The following PPP2R2C variants were observed in gnomAD, a reference collection of about 807,000 sequenced individuals.
The protein encoded by PPP2R2C is protein phosphatase 2, regulatory subunit B, gamma.
In PPP2R2C, 10 loss-of-function variants were observed where a neutral mutation model predicts 45.3. The observed-to-expected ratio is 0.22, with a 90% confidence interval of 0.14 to 0.37. PPP2R2C has a LOEUF of 0.37. Among genes scored for constraint, PPP2R2C ranks in the 10% least tolerant of loss-of-function variants. The pLI is 1.00. For synonymous variants in PPP2R2C, 257 were observed against 245.4 expected, an observed-to-expected ratio of 1.05 and a Z score of -0.44; for missense variants, 308 against 619.7, an observed-to-expected ratio of 0.50 and a Z score of 5.34.
At chr4:6,486,286 G>A (rs112382631) in intron 2 of PPP2R2C, among the ~76,000 whole-genome samples, 10 of 151,978 alleles carry the variant, frequency 6.6e-5, no homozygotes, top group African/African-American at 1.7e-4. Flanking sequence ...GACTTGTTTC[G>A]TGGCCAGAAT....
At chr4:6,463,744 C>T (rs1256247242) in intron 1 of PPP2R2C, among the ~76,000 whole-genome samples, 1 of 152,254 alleles carries the variant, frequency 6.6e-6, no homozygotes, top group Non-Finnish European at 1.5e-5. Flanking sequence ...ATCATCACCC[C>T]CCAACCTGGA....
intron 1 of PPP2R2C, among the ~76,000 whole-genome samples, chr4:6,538,883 G>A (rs533207025): frequency 2.0e-5 from 3 of 152,228 alleles, no homozygotes; most frequent in African/African-American, 4.8e-5. Context: ...GCTGTTTCCC[G>A]GTACCTGCTC....
chr4:6,344,357 T>A (rs902537931), intron 6 of PPP2R2C, among the ~76,000 whole-genome samples: 1 of 152,224 alleles, frequency 6.6e-6, no homozygotes, highest in African/African-American at 2.4e-5. Flanking sequence ...ACAAGGCTCA[T>A]ACATCATCAG....
intron 1 of PPP2R2C, among the ~76,000 whole-genome samples, chr4:6,433,362 G>C (rs1423643930): frequency 6.6e-6 from 1 of 152,168 alleles, no homozygotes; most frequent in Non-Finnish European, 1.5e-5. Context: ...TCCATTTCCA[G>C]TGGTGGCATG....
intron 2 of PPP2R2C, among the ~76,000 whole-genome samples, chr4:6,531,722 C>T (rs78879022): frequency 0.033 from 4,954 of 152,226 alleles, 275 homozygotes; most frequent in African/African-American, 0.11. Flanking sequence ...GGCGAAGTTA[C>T]TGTTCCAACA....
rs1284519116 is a variant in PPP2R2C, at chr4:6,541,732, G to C, written c.-58-6355C>G. 2.0e-5 allele frequency among the ~76,000 whole-genome samples: 3 copies of C among 152,130 alleles called. No individual in the cohort carries two copies. The East Asian group carries it at 5.8e-4, about 29-fold the overall frequency. ...AGCTAATTTTTGTATTTTTAGTAGA[G>C]TTGGCCAGGCTGGTCTCAAACTCCT... On this transcript the variant is annotated intron_variant, in intron 1 of 9. Coordinates refer to the PPP2R2C transcript ENST00000506140.
chr4:6,512,179 ATGG>A (rs797013360), intron 2 of PPP2R2C, among the ~76,000 whole-genome samples: 234 of 22,442 alleles, frequency 0.01, 22 homozygotes, highest in African/African-American at 0.053. Context: ...GATGGTGCTG[ATGG>A]TGGTGGTGGT....
intron 5 of PPP2R2C, among the ~76,000 whole-genome samples, chr4:6,356,463 C>T (rs56344444): frequency 0.26 from 39,553 of 152,142 alleles, 5,467 homozygotes; most frequent in Non-Finnish European, 0.3. Flanking sequence ...ATACGCCCTC[C>T]GTGGCTCCAG....
At chr4:6,469,191 GA>G (rs2108767243) in intron 1 of PPP2R2C, among the ~76,000 whole-genome samples, 1 of 150,342 alleles carries the variant, frequency 6.7e-6, no homozygotes, top group African/African-American at 2.5e-5. Flanking sequence ...GATTTTACAA[GA>G]GACTCAGGAA....
At chr4:6,339,531 G>A (rs1402541271) in intron 6 of PPP2R2C, among the ~76,000 whole-genome samples, 1 of 152,278 alleles carries the variant, frequency 6.6e-6, no homozygotes, top group African/African-American at 2.4e-5. Context: ...GGTAGCACCT[G>A]CTGTGCCCCA....
At chr4:6,490,400 G>C (rs527361343) in intron 2 of PPP2R2C, among the ~76,000 whole-genome samples, 1 of 152,112 alleles carries the variant, frequency 6.6e-6, no homozygotes, top group South Asian at 2.1e-4. Context: ...TCTGTGCTTC[G>C]AGTCATCATT....
chr4:6,334,601 G>C (rs1732697000), intron 6 of PPP2R2C, among the ~76,000 whole-genome samples: 1 of 152,122 alleles, frequency 6.6e-6, no homozygotes, highest in African/African-American at 2.4e-5. Context: ...AAGTAGCGTG[G>C]GGACTAGGAC....
intron 1 of PPP2R2C, among the ~76,000 whole-genome samples, chr4:6,453,378 A>C (rs1025202278): frequency 6.6e-6 from 1 of 152,114 alleles, no homozygotes; most frequent in South Asian, 2.1e-4. Context: ...ACTTGCAGGA[A>C]GTATCCATGG....
intron 1 of PPP2R2C, among the ~76,000 whole-genome samples, chr4:6,558,785 G>A (rs1476185671): frequency 3.3e-5 from 5 of 152,108 alleles, no homozygotes; most frequent in Non-Finnish European, 7.4e-5. Context: ...CTGGGCAACC[G>A]GTCCACTCCA....
In PPP2R2C at chr4:6,331,794, C is replaced by T. The variant is rs1172064295; in HGVS notation, c.960+1768G>A. On this transcript the variant is annotated intron_variant, in intron 7 of 8. Transcript: ENST00000382599. The surrounding 1 kb of genome is among the most constrained non-coding windows in gnomAD (Gnocchi z 5.9). Reference sequence around the variant, plus strand: ...TGGCGCTGCCGGGGTCATGGAGCCCCCCCACCTTCCTGGACTGCCCTCTCC... The same window carrying T: ...TGGCGCTGCCGGGGTCATGGAGCCCTCCCACCTTCCTGGACTGCCCTCTCC... Among the ~76,000 whole-genome samples, 1 of 152,132 alleles carries T rather than the reference C, an allele frequency of 6.6e-6. No homozygotes were observed. Among genetic ancestry groups the T allele is most frequent in the African/African-American group, 2.4e-5 (1 of 41,408 alleles).
At chr4:6,391,283 G>A (rs1305200778) in intron 1 of PPP2R2C, among the ~76,000 whole-genome samples, 2 of 152,094 alleles carry the variant, frequency 1.3e-5, no homozygotes, top group Non-Finnish European at 2.9e-5. Flanking sequence ...CCCTGGGCAA[G>A]CCACCTCCCC....
chr4:6,433,354 C>T (rs1163105301), intron 1 of PPP2R2C, among the ~76,000 whole-genome samples: 1 of 152,202 alleles, frequency 6.6e-6, no homozygotes, highest in Non-Finnish European at 1.5e-5. Flanking sequence ...CTTTCATATC[C>T]ATTTCCAGTG....
At chr4:6,466,714 TAGCTCTGCA>T (rs2108764333) in intron 1 of PPP2R2C, among the ~76,000 whole-genome samples, 1 of 152,220 alleles carries the variant, frequency 6.6e-6, no homozygotes, top group Non-Finnish European at 1.5e-5. Context: ...AAACATCCCT[TAGCTCTGCA>T]AGCTTTAAGG....
chr4:6,428,988 G>T (rs55787922), intron 1 of PPP2R2C, among the ~76,000 whole-genome samples: 6,826 of 152,184 alleles, frequency 0.045, 215 homozygotes, highest in East Asian at 0.11. Flanking sequence ...TCTGCAAAGG[G>T]CCAGATAGCC....
Sources: allele counts gnomAD v4.1 joint callset (sites outside exome capture counted in the v4.1 genomes callset), GRCh38; gene constraint gnomAD v4.1.1; non-coding constraint Gnocchi (gnomAD v3.1); transcripts MANE v1.5; gene names NCBI Gene and HGNC (gene_info 2026-07-23, HGNC 2026-07-21).